The following TASP1 variants were observed in gnomAD, a reference collection of about 807,000 sequenced individuals.
TASP1 encodes taspase 1.
In TASP1, 16 loss-of-function variants were observed where a neutral mutation model predicts 56.6. The ratio of observed to expected loss-of-function variants is 0.28; its 90% CI spans 0.19 to 0.43. TASP1 has a LOEUF of 0.43. TASP1 is among the 20% of genes least tolerant of loss of function. TASP1 has a pLI of 1.00. For missense variants in TASP1, 393 were observed against 511.6 expected (o/e 0.77, Z 2.24); for synonymous variants, 179 against 184.2 (o/e 0.97, Z 0.23).
the TASP1 span, among the ~76,000 whole-genome samples, chr20:13,105,197 G>A: frequency 6.6e-6 from 1 of 152,120 alleles, no homozygotes; most frequent in East Asian, 1.9e-4. Flanking sequence ...TCCAGGCCGA[G>A]CGCAGTCTTC....
In TASP1 at chr20:13,580,920, G is replaced by A. The variant is rs756132529; in HGVS notation, c.465C>T (p.Leu155=). The A allele has an allele frequency of 3.7e-6, 6 of 1,613,074 alleles. No individual in the cohort carries two copies. The Admixed American group carries it at 5.0e-5, about 13-fold the overall frequency. The change falls in exon 6 of 14, where the codon CTC becomes CTT. Residue 155 remains leucine, a synonymous_variant. Coordinates refer to ENST00000337743, the MANE Select transcript of TASP1 (RefSeq NM_017714.3). ...RLLCEGQKGK[L]SAGRIPPCFL... ...ACCAGGGAGGAATTCTGCCAGCCGAGAGCTTGCCCTTCTGCCCTTCACATA... is the reference window on the plus strand; with the variant it reads ...ACCAGGGAGGAATTCTGCCAGCCGAAAGCTTGCCCTTCTGCCCTTCACATA...
At chr20:13,485,897 T>G (rs180800248) in intron 10 of TASP1, among the ~76,000 whole-genome samples, 5 of 152,314 alleles carry the variant, frequency 3.3e-5, no homozygotes, top group Admixed American at 2.0e-4. Context: ...TACACATGCC[T>G]GAAGTCAAAA....
the TASP1 span, among the ~76,000 whole-genome samples, chr20:13,237,334 C>T: frequency 6.6e-6 from 1 of 152,186 alleles, no homozygotes; most frequent in African/African-American, 2.4e-5. Context: ...AACCTTGAAA[C>T]AACCCCAATG....
chr20:13,529,377 G>A (rs907281602), intron 9 of TASP1, among the ~76,000 whole-genome samples: 5 of 152,170 alleles, frequency 3.3e-5, no homozygotes, highest in African/African-American at 4.8e-5. Context: ...TCCATAGTAA[G>A]AAGTAGAGAT....
the TASP1 span, among the ~76,000 whole-genome samples, chr20:13,134,446 GTCA>G: frequency 1.3e-5 from 2 of 152,184 alleles, no homozygotes; most frequent in African/African-American, 2.4e-5. Context: ...CATGTCCCCA[GTCA>G]TCATTTCATA....
intron 11 of TASP1, among the ~76,000 whole-genome samples, chr20:13,444,433 G>GA (rs1276132523): frequency 6.6e-6 from 1 of 152,080 alleles, no homozygotes; most frequent in Non-Finnish European, 1.5e-5. Context: ...TATCTATGGA[G>GA]AAAAATAAAT....
At chr20:13,179,361 T>C in the TASP1 span, among the ~76,000 whole-genome samples, 39 of 151,416 alleles carry the variant, frequency 2.6e-4, no homozygotes, top group Non-Finnish European at 7.4e-5. Flanking sequence ...GAAAATATCT[T>C]TAAAAAACTA....
intron 4 of TASP1, among the ~76,000 whole-genome samples, chr20:13,598,741 A>C (rs2047839970): frequency 6.6e-6 from 1 of 152,236 alleles, no homozygotes; most frequent in South Asian, 2.1e-4. Flanking sequence ...ATCAGAGTGA[A>C]CAGGCAACCT....
chr20:13,500,263 G>GTATATA (rs113343133), intron 10 of TASP1, among the ~76,000 whole-genome samples: 43 of 140,570 alleles, frequency 3.1e-4, no homozygotes, highest in African/African-American at 1.1e-3. Flanking sequence ...GTGTATGTGT[G>GTATATA]TATATATATA....
At chr20:13,177,236 G>T in the TASP1 span, among the ~76,000 whole-genome samples, 1 of 151,356 alleles carries the variant, frequency 6.6e-6, no homozygotes, top group Admixed American at 6.6e-5. Context: ...GTGAGACTCT[G>T]TCTCAAAAAG....
chr20:13,573,999 G>C (rs2046809828), intron 6 of TASP1, among the ~76,000 whole-genome samples: 1 of 152,114 alleles, frequency 6.6e-6, no homozygotes, highest in Non-Finnish European at 1.5e-5. Context: ...GGAGAAAGCT[G>C]CATATAGAGA....
At chr20:13,221,669 G>C in the TASP1 span, 1 of 986,924 alleles carries the variant, frequency 1.0e-6, no homozygotes. Context: ...GGGAGCCGAG[G>C]CGGGAGCCGC....
At position 13,606,463 on chromosome 20, in the gene TASP1, TTTTG is replaced by T. The variant is rs767530452; in HGVS notation, c.282+16979_282+16982del. Among the ~76,000 whole-genome samples the T allele has an allele frequency of 3.3e-5, 5 of 152,270 alleles. No homozygotes were observed. The East Asian group carries it at 9.6e-4, about 29-fold the overall frequency. ...TCCGCTACCTGACAGTATACATAATTTTTGTTTGTCTACCCCTCCAAATAGAATG... is the reference window on the plus strand; with the variant it reads ...TCCGCTACCTGACAGTATACATAATTTTTGTCTACCCCTCCAAATAGAATG... On this transcript the variant is annotated intron_variant, in intron 4 of 13. Transcript: ENST00000337743.
chr20:13,541,354 C>T (rs1247634248), intron 8 of TASP1, among the ~76,000 whole-genome samples: 1 of 152,012 alleles, frequency 6.6e-6, no homozygotes, highest in Non-Finnish European at 1.5e-5. Context: ...AACAAAACTG[C>T]CTTTTAGGAA....
At chr20:13,309,668 C>T in the TASP1 span, among the ~76,000 whole-genome samples, 3 of 152,078 alleles carry the variant, frequency 2.0e-5, no homozygotes, top group African/African-American at 7.2e-5. Context: ...TCTCTGTTTG[C>T]AGATGGTATT....
chr20:13,370,485 T>C, the TASP1 span, among the ~76,000 whole-genome samples: 1 of 152,140 alleles, frequency 6.6e-6, no homozygotes, highest in African/African-American at 2.4e-5. Context: ...TGAAGTGGCA[T>C]TATTTTAAAA....
In TASP1 at chr20:13,559,055, C is replaced by G; in HGVS notation, c.628G>C (p.Asp210His). ...KRKLELAERV[D>H]TDFMQLKKRR... ...TTCTTTAGTTGCATAAAATCTGTGT[C>G]CACCCTTTCTGCCAGCTCTAGTTTC... The change falls in exon 8 of 14, where the codon GAC becomes CAC. Residue 210 changes from aspartate (D) to histidine (H), a missense_variant. Coordinates refer to ENST00000337743, the MANE Select transcript of TASP1 (RefSeq NM_017714.3). 6.3e-7 allele frequency: 1 copy of G among 1,597,140 alleles called. No individual in the cohort carries two copies. Among genetic ancestry groups the G allele is most frequent in the East Asian group, 2.3e-5 (1 of 43,970 alleles).
the TASP1 span, among the ~76,000 whole-genome samples, chr20:13,156,783 C>G: frequency 2.0e-5 from 3 of 152,204 alleles, no homozygotes; most frequent in Non-Finnish European, 2.9e-5. Flanking sequence ...TTCACTACTA[C>G]TCTGCAACAA....
intron 2 of TASP1, among the ~76,000 whole-genome samples, chr20:13,628,333 G>C (rs900669168): frequency 6.6e-6 from 1 of 152,114 alleles, no homozygotes; most frequent in Admixed American, 6.5e-5. Flanking sequence ...CTCTGAATAC[G>C]GTAACTCACT....
Sources: allele counts gnomAD v4.1 joint callset (sites outside exome capture counted in the v4.1 genomes callset), GRCh38; gene constraint gnomAD v4.1.1; transcripts MANE v1.5; gene names NCBI Gene and HGNC (gene_info 2026-07-23, HGNC 2026-07-21).